SNX15: variants seen among roughly 807,000 people sequenced by gnomAD.
SNX15 encodes sorting nexin-15.
A neutral mutation model predicts 35.2 loss-of-function variants in SNX15; 29 were observed. The ratio of observed to expected loss-of-function variants is 0.82; its 90% confidence interval spans 0.61 to 1.12. The LOEUF (loss-of-function observed/expected upper bound fraction) is 1.12. Ranked by LOEUF, SNX15 falls within the 50% of genes most tolerant of loss-of-function variation. SNX15 has a pLI of 0.00. For synonymous variants in SNX15, 189 were observed against 188.2 expected, an observed-to-expected ratio of 1.00 and a Z score of -0.03; for missense variants, 400 against 451.5, an observed-to-expected ratio of 0.89 and a Z score of 1.03.
intron 2 of SNX15, 39 bp downstream of exon 2, chr11:65,032,242 C>A: frequency 6.2e-7 from 1 of 1,606,644 alleles, no homozygotes; most frequent in South Asian, 1.1e-5. Flanking sequence ...TTCTGCAGTT[C>A]CAGATCTGGA....
intron 3 of SNX15, among the ~76,000 whole-genome samples, chr11:65,034,338 T>G (rs1946474952): frequency 6.6e-6 from 1 of 152,114 alleles, no homozygotes; most frequent in Non-Finnish European, 1.5e-5. Context: ...GGAGGGCGGC[T>G]TGATCCCAGG....
chr11:65,035,848 G>A (rs1039823401), intron 6 of SNX15, 185 bp downstream of exon 6: 2 of 568,598 alleles, frequency 3.5e-6, no homozygotes, highest in Admixed American at 3.7e-5. Context: ...AGGGCACGTG[G>A]TGTGGTGTGC....
chr11:65,030,335 C>A (rs996448312), intron 1 of SNX15, among the ~76,000 whole-genome samples: 1 of 150,934 alleles, frequency 6.6e-6, no homozygotes, highest in Non-Finnish European at 1.5e-5. Flanking sequence ...AGCCTGGTGA[C>A]AGAGTGAGAC....
chr11:65,036,320 G>C (rs494837), intron 6 of SNX15: 21,928 of 152,320 alleles, frequency 0.14, 2,373 homozygotes, highest in African/African-American at 0.3. Flanking sequence ...GGCTGAGGCA[G>C]GAAGATTGCT....
intron 2 of SNX15, 49 bp downstream of exon 2, chr11:65,032,252 A>G: frequency 6.2e-7 from 1 of 1,601,960 alleles, no homozygotes; most frequent in Non-Finnish European, 8.6e-7. Context: ...CCAGATCTGG[A>G]AACTGTCAAG....
At chr11:65,032,629 G>A in intron 3 of SNX15, 78 bp downstream of exon 3, 1 of 1,564,974 alleles carries the variant, frequency 6.4e-7, no homozygotes. Flanking sequence ...AGTGGGGGCT[G>A]GATAGAGAGG....
At position 65,034,897 on chromosome 11, in the gene SNX15, C is replaced by T. The variant is rs1946481726; in HGVS notation, c.307C>T (p.Leu103=). Residue 103 remains leucine (L), a synonymous_variant, in exon 4 of 8, where the codon CTG becomes TTG. Coordinates refer to ENST00000377244, the MANE Select transcript of SNX15 (RefSeq NM_013306.5). ...GGAGCGGCGAAAGGGGGCAGAGGACCTGCTTCGCTTCACTGTGCACATACC... is the reference window on the plus strand; with the variant it reads ...GGAGCGGCGAAAGGGGGCAGAGGACTTGCTTCGCTTCACTGTGCACATACC... ...IEERRKGAED[L]LRFTVHIPAL... The T allele has an allele frequency of 1.3e-5, 21 of 1,614,076 alleles. No individual in the cohort carries two copies. Among genetic ancestry groups the T allele is most frequent in the Non-Finnish European group, 1.7e-5 (20 of 1,179,970 alleles).
rs780773876 is a variant in SNX15 at position 65,034,903 on chromosome 11, C to T, written c.313C>T (p.Arg105Cys). The T allele has an allele frequency of 4.5e-5, 72 of 1,613,964 alleles. No individual in the cohort carries two copies. The highest frequency in any genetic ancestry group is 5.8e-5 in the Non-Finnish European group (69 of 1,179,982). ...ERRKGAEDLLRFTVHIPALNN... is the reference protein window; with the variant it reads ...ERRKGAEDLLCFTVHIPALNN... Reference sequence around the variant, plus strand: ...GCGAAAGGGGGCAGAGGACCTGCTTCGCTTCACTGTGCACATACCTGCGCT... The same window carrying T: ...GCGAAAGGGGGCAGAGGACCTGCTTTGCTTCACTGTGCACATACCTGCGCT... Residue 105 changes from arginine (R) to cysteine (C), a missense_variant, in exon 4 of 8, where the codon CGC becomes TGC. By Grantham distance (180) the Arg-to-Cys change is radical. Transcript: ENST00000377244.
rs1454093661 is a variant in SNX15, at chr11:65,035,144, AC to A, written c.463del (p.Arg155GlyfsTer115). On this transcript the variant is annotated frameshift_variant, in exon 5 of 8. Transcript: ENST00000377244. LOFTEE classifies it high-confidence loss of function. ...CTGATCCCCACCCCGCCCCCTGATG[AC>A]CCCCGGCTATCCCAACTGCTCCCTG... ...PPLIPTPPPD[D>X]PRLSQLLPAE... 1 of 1,532,134 alleles carries A rather than the reference AC, an allele frequency of 6.5e-7. No individual in the cohort carries two copies. The highest frequency in any genetic ancestry group is 8.9e-7 in the Non-Finnish European group (1 of 1,124,376). The allele number at this position is 1,532,134 out of a possible 1,614,324, so 94.9% of individuals were successfully genotyped here. A position where few individuals can be genotyped will look rare whatever the true frequency, so the allele number is the denominator to read the frequency against.
chr11:65,038,695 G>T lies in SNX15; in HGVS notation c.788G>T (p.Gly263Val). 6.2e-7 allele frequency: 1 copy of T among 1,609,796 alleles called. No homozygotes were observed. The highest frequency in any genetic ancestry group is 2.2e-5 in the East Asian group (1 of 44,744). Reference sequence around the variant, plus strand: ...GAGGAGGAAGAGGATGGGGAAGGAGGGCCCACCCCTGCCTACCTAAGCCAG... The same window carrying T: ...GAGGAGGAAGAGGATGGGGAAGGAGTGCCCACCCCTGCCTACCTAAGCCAG... ...GQEEEEDGEG[G>V]PTPAYLSQAT... Residue 263 changes from glycine (G) to valine (V), a missense_variant, in exon 7 of 8, where the codon GGG becomes GTG. By Grantham distance (109) the Gly-to-Val change is moderately radical. Transcript: ENST00000377244.
At chr11:65,037,034 G>A (rs989416089) in intron 6 of SNX15, 4 of 152,240 alleles carry the variant, frequency 2.6e-5, no homozygotes, top group Admixed American at 2.6e-4. Context: ...CAGGGTTGGG[G>A]AGTGGGAAGA....
rs376537719 is a variant in SNX15 at position 65,032,537 on chromosome 11, G to A, written c.242G>A (p.Arg81Gln). The A allele has an allele frequency of 3.2e-5, 52 of 1,613,926 alleles. No individual in the cohort carries two copies. In the African/African-American group the frequency reaches 4.1e-4, roughly 13 times the overall value. Reference sequence around the variant, plus strand: ...CTCGAGGAGTTCCCTGCTTTCCCCCGGGCCCAGGTGTTTGGTGAGTGTTAG... The same window carrying A: ...CTCGAGGAGTTCCCTGCTTTCCCCCAGGCCCAGGTGTTTGGTGAGTGTTAG... ...RRLEEFPAFP[R>Q]AQVFGRFEAS... The change falls in exon 3 of 8, where the codon CGG becomes CAG. Residue 81 changes from arginine to glutamine, a missense_variant. Physicochemically the swap from Arg to Gln is conservative, Grantham distance 43. Transcript: ENST00000377244.
intron 4 of SNX15, 41 bp downstream of exon 4, chr11:65,035,003 C>A (rs760615970): frequency 6.2e-7 from 1 of 1,613,360 alleles, no homozygotes; most frequent in East Asian, 2.2e-5. Context: ...GGGCCACTTA[C>A]CCACCCACCA....
rs369868840 is a variant in SNX15, at chr11:65,035,160, A to G, written c.474A>G (p.Gln158=). Residue 158 remains glutamine, a synonymous_variant, in exon 5 of 8, where the codon CAA becomes CAG. Coordinates refer to ENST00000377244, the MANE Select transcript of SNX15 (RefSeq NM_013306.5). ...TPPPDDPRLS[Q]LLPAERRGLE... is the part of the protein sequence containing the mutation. ...CCCCTGATGACCCCCGGCTATCCCA[A>G]CTGCTCCCTGCAGAAAGGAGGGGCC... 819 of 1,590,450 alleles carry G rather than the reference A, an allele frequency of 5.1e-4. 2 individuals carry two copies. In the African/African-American group the frequency reaches 8.1e-3, roughly 16 times the overall value.
chr11:65,035,831 C>G (rs1946496159), intron 6 of SNX15, 168 bp downstream of exon 6: 3 of 644,510 alleles, frequency 4.7e-6, no homozygotes, highest in Admixed American at 7.2e-5. Flanking sequence ...ATTAGAAGCC[C>G]TGTGCCAGGG....
At chr11:65,029,839 AGTGCTGGAATTACAG>A (rs1374914080) in intron 1 of SNX15, among the ~76,000 whole-genome samples, 2 of 151,986 alleles carry the variant, frequency 1.3e-5, no homozygotes, top group African/African-American at 4.8e-5. Context: ...GGCCTTCCCA[AGTGCTGGAATTACAG>A]GTGTGAACCA....
At chr11:65,032,623 G>C in intron 3 of SNX15, 72 bp downstream of exon 3, 8 of 1,590,836 alleles carry the variant, frequency 5.0e-6, no homozygotes, top group Non-Finnish European at 6.9e-6. Flanking sequence ...TCCGCCAGTG[G>C]GGGCTGGATA....
At chr11:65,034,459 C>G (rs1478233739) in intron 3 of SNX15, among the ~76,000 whole-genome samples, 1 of 152,140 alleles carries the variant, frequency 6.6e-6, no homozygotes, top group Non-Finnish European at 1.5e-5. Flanking sequence ...TGACCTTGGG[C>G]AAGTCACTTT....
chr11:65,039,802 G>C lies in SNX15; in HGVS notation c.*10G>C. 1 of 1,589,824 alleles carries C rather than the reference G, an allele frequency of 6.3e-7. No homozygotes were observed. The highest frequency in any genetic ancestry group is 8.6e-7 in the Non-Finnish European group (1 of 1,161,496). On this transcript the variant is annotated 3_prime_UTR_variant, in exon 8 of 8. Transcript: ENST00000377244. ...TCAACTCCCACCCTAACAGGGAGTG[G>C]GCCATTCCCTGGGACTCTCGCTCCT...
Sources: allele counts gnomAD v4.1 joint callset (sites outside exome capture counted in the v4.1 genomes callset), GRCh38; gene constraint gnomAD v4.1.1; transcripts MANE v1.5; gene names NCBI Gene and HGNC (gene_info 2026-07-23, HGNC 2026-07-21).